Variants in PDGFD observed in about 807,000 individuals in gnomAD.
PDGFD encodes the protein platelet-derived growth factor D.
PDGFD carries 30 observed loss-of-function variants against 44.7 expected under a neutral mutation model. That is an observed-to-expected ratio of 0.67 (90% CI 0.50 to 0.91). The LOEUF is 0.91. Among genes scored for constraint, PDGFD ranks in the 40% least tolerant of loss-of-function variants. The probability of loss-of-function intolerance (pLI) is 0.00; values close to 1 mark genes in which losing one functional copy is unlikely to be tolerated. For missense variants in PDGFD, 445 were observed against 457.8 expected (o/e 0.97, Z 0.25); for synonymous variants, 173 against 168.4 (o/e 1.03, Z -0.21).
chr11:104,046,814 C>T (rs1006769577), intron 1 of PDGFD, among the ~76,000 whole-genome samples: 7 of 146,626 alleles, frequency 4.8e-5, no homozygotes, highest in South Asian at 4.7e-4. Flanking sequence ...CACAGGTATA[C>T]GCATGCTATG....
chr11:104,057,529 G>C (rs1240169402), intron 1 of PDGFD, among the ~76,000 whole-genome samples: 3 of 152,118 alleles, frequency 2.0e-5, no homozygotes, highest in Admixed American at 2.0e-4. Flanking sequence ...TACTAGAGAG[G>C]AGAGAGGGAG....
At chr11:103,936,920 G>A (rs1444671710) in intron 5 of PDGFD, among the ~76,000 whole-genome samples, 2 of 151,708 alleles carry the variant, frequency 1.3e-5, no homozygotes, top group Admixed American at 6.6e-5. Context: ...TGAACTACCC[G>A]GGCTCAAGTG....
chr11:103,982,876 C>T (rs1001643559), intron 3 of PDGFD, among the ~76,000 whole-genome samples: 5 of 150,634 alleles, frequency 3.3e-5, no homozygotes, highest in Admixed American at 1.3e-4. Flanking sequence ...GTGAAAGATC[C>T]CTACAAGGAG....
intron 6 of PDGFD, among the ~76,000 whole-genome samples, chr11:103,925,966 T>C (rs1858308319): frequency 6.6e-6 from 1 of 151,972 alleles, no homozygotes; most frequent in Non-Finnish European, 1.5e-5. Flanking sequence ...TGACCTCAGG[T>C]GATCCACCCA....
At chr11:104,039,431 T>C (rs1003303067) in intron 1 of PDGFD, among the ~76,000 whole-genome samples, 6 of 152,082 alleles carry the variant, frequency 3.9e-5, no homozygotes, top group African/African-American at 1.4e-4. Context: ...CTCTCCCTTA[T>C]AATCTCCATA....
chr11:104,130,414 G>C (rs1861904792), intron 1 of PDGFD, among the ~76,000 whole-genome samples: 1 of 152,136 alleles, frequency 6.6e-6, no homozygotes. Context: ...AGTGCTGACA[G>C]TGGTGCACAG....
intron 1 of PDGFD, among the ~76,000 whole-genome samples, chr11:104,009,874 G>A (rs1305192987): frequency 6.6e-6 from 1 of 152,140 alleles, no homozygotes; most frequent in Non-Finnish European, 1.5e-5. Context: ...ACGCACTGAA[G>A]CTTGCAATCA....
intron 1 of PDGFD, among the ~76,000 whole-genome samples, chr11:104,087,625 C>T (rs1363625567): frequency 6.6e-6 from 1 of 152,138 alleles, no homozygotes; most frequent in Non-Finnish European, 1.5e-5. Flanking sequence ...AGCGAATGTC[C>T]CACAGATTAC....
intron 1 of PDGFD, among the ~76,000 whole-genome samples, chr11:104,029,255 T>C (rs1004129010): frequency 2.0e-5 from 3 of 152,260 alleles, no homozygotes; most frequent in Admixed American, 2.0e-4. Flanking sequence ...AATTCTTCTA[T>C]ACAGGCTGCT....
At chr11:103,943,403 T>C (rs2134322798) in intron 5 of PDGFD, 49 bp downstream of exon 5, 1 of 1,543,978 alleles carries the variant, frequency 6.5e-7, no homozygotes, top group Non-Finnish European at 8.9e-7. Flanking sequence ...GCTTGTACTG[T>C]TAAGATTTCT....
chr11:103,966,462 A>G (rs1473714760), intron 3 of PDGFD, among the ~76,000 whole-genome samples: 1 of 152,188 alleles, frequency 6.6e-6, no homozygotes, highest in Admixed American at 6.5e-5. Context: ...TCTTTTTAAG[A>G]GCAACAACAA....
chr11:103,984,227 C>T (rs1859318204), intron 3 of PDGFD, among the ~76,000 whole-genome samples: 1 of 151,546 alleles, frequency 6.6e-6, no homozygotes, highest in African/African-American at 2.4e-5. Context: ...TACAATGCAG[C>T]CATAAAAAAG....
At chr11:103,937,599 A>T (rs1471206882) in intron 5 of PDGFD, among the ~76,000 whole-genome samples, 1 of 151,970 alleles carries the variant, frequency 6.6e-6, no homozygotes, top group Non-Finnish European at 1.5e-5. Context: ...CATATGCACA[A>T]TGTGCAGGTT....
intron 1 of PDGFD, among the ~76,000 whole-genome samples, chr11:104,125,618 C>T (rs1187831617): frequency 6.6e-6 from 1 of 152,092 alleles, no homozygotes; most frequent in Non-Finnish European, 1.5e-5. Flanking sequence ...ATGACACTAT[C>T]CCAAGATGTT....
In PDGFD at chr11:103,935,708, T is replaced by C. The variant is rs183543855; in HGVS notation, c.772+7744A>G. On this transcript the variant is annotated intron_variant, in intron 5 of 6. Coordinates refer to ENST00000393158, the MANE Select transcript of PDGFD (RefSeq NM_025208.5). Reference sequence around the variant, plus strand: ...GACAGCAGAGCAATTAATAGAAATATCTTGGTTCTGTGCAGAGTTTTGCAA... The same window carrying C: ...GACAGCAGAGCAATTAATAGAAATACCTTGGTTCTGTGCAGAGTTTTGCAA... 1.3e-3 allele frequency among the ~76,000 whole-genome samples: 193 copies of C among 152,302 alleles called. 1 individual carries two copies. The highest frequency in any genetic ancestry group is 6.4e-3 in the South Asian group (31 of 4,818).
intron 1 of PDGFD, among the ~76,000 whole-genome samples, chr11:104,159,153 CAAAAA>C (rs765727400): frequency 1.4e-4 from 9 of 66,562 alleles, no homozygotes; most frequent in African/African-American, 2.3e-4. Flanking sequence ...GACTCCATCT[CAAAAA>C]AAAAAAAAAA....
chr11:104,037,937 T>C, intron 1 of PDGFD: 9 of 1,614,066 alleles, frequency 5.6e-6, no homozygotes, highest in Middle Eastern at 1.6e-4. Context: ...TGCTCTAGGA[T>C]GGTAAGTGGG....
chr11:103,949,097 G>A (rs1004955705), intron 3 of PDGFD, among the ~76,000 whole-genome samples: 2 of 147,414 alleles, frequency 1.4e-5, no homozygotes, highest in Non-Finnish European at 3.0e-5. Flanking sequence ...CTGCCTCCCA[G>A]GTTCAAGCAA....
At chr11:103,993,046 G>T (rs533636237) in intron 3 of PDGFD, among the ~76,000 whole-genome samples, 1 of 150,870 alleles carries the variant, frequency 6.6e-6, no homozygotes, top group Non-Finnish European at 1.5e-5. Context: ...TTGACTTCTC[G>T]TGTGCTGTTT....
Sources: allele counts gnomAD v4.1 joint callset (sites outside exome capture counted in the v4.1 genomes callset), GRCh38; gene constraint gnomAD v4.1.1; transcripts MANE v1.5; gene names NCBI Gene and HGNC (gene_info 2026-07-23, HGNC 2026-07-21).